MEI4: variants seen among roughly 807,000 people sequenced by gnomAD.
The protein encoded by MEI4 is meiotic double-stranded break formation protein 4.
MEI4 carries 27 observed loss-of-function variants against 31.4 expected under a neutral mutation model. The ratio of observed to expected loss-of-function variants is 0.86; its 90% CI spans 0.63 to 1.19. The LOEUF is 1.19. Among genes scored for constraint, MEI4 ranks in the 50% most tolerant of loss-of-function variants. The pLI is 0.00. For missense variants in MEI4, 329 were observed against 398.9 expected, an observed-to-expected ratio of 0.82 and a Z score of 1.49; for synonymous variants, 122 against 145.4, an observed-to-expected ratio of 0.84 and a Z score of 1.16.
At chr6:77,791,247 C>G (rs1171138946) in intron 3 of MEI4, among the ~76,000 whole-genome samples, 1 of 152,068 alleles carries the variant, frequency 6.6e-6, no homozygotes, top group African/African-American at 2.4e-5. Flanking sequence ...TTTATTGCGG[C>G]ATTATTCACG....
At chr6:77,729,965 G>A (rs1242307780) in intron 2 of MEI4, among the ~76,000 whole-genome samples, 1 of 151,996 alleles carries the variant, frequency 6.6e-6, no homozygotes, top group Non-Finnish European at 1.5e-5. Context: ...TCAGTCTAAA[G>A]GTAACATCCC....
At chr6:77,703,265 GT>G (rs570239581) in intron 2 of MEI4, among the ~76,000 whole-genome samples, 54 of 152,306 alleles carry the variant, frequency 3.5e-4, no homozygotes, top group Middle Eastern at 3.4e-3. Context: ...CCAAGCCCCT[GT>G]AACAGTGGAA....
intron 3 of MEI4, among the ~76,000 whole-genome samples, chr6:77,784,305 C>G (rs1043883325): frequency 1.3e-5 from 2 of 152,106 alleles, no homozygotes; most frequent in African/African-American, 4.8e-5. Context: ...TTTTAAGATG[C>G]TGTAGTGATC....
intron 4 of MEI4, among the ~76,000 whole-genome samples, chr6:77,838,173 T>C (rs1357881716): frequency 6.6e-6 from 1 of 152,220 alleles, no homozygotes; most frequent in Non-Finnish European, 1.5e-5. Flanking sequence ...GGAGCAAGTT[T>C]TCAGATATTA....
At chr6:77,883,735 T>TACATATAC (rs1562025143) in intron 4 of MEI4, among the ~76,000 whole-genome samples, 15 of 116,734 alleles carry the variant, frequency 1.3e-4, no homozygotes, top group East Asian at 9.2e-4. Flanking sequence ...TATATATATA[T>TACATATAC]ATATATATAA....
At chr6:77,682,918 G>A (rs1453904310) in intron 1 of MEI4, among the ~76,000 whole-genome samples, 2 of 152,200 alleles carry the variant, frequency 1.3e-5, no homozygotes, top group Non-Finnish European at 1.5e-5. Context: ...ATTTGGGAAA[G>A]CTGATCAGGA....
At chr6:77,767,628 C>T (rs1375335823) in intron 3 of MEI4, among the ~76,000 whole-genome samples, 1 of 151,730 alleles carries the variant, frequency 6.6e-6, no homozygotes, top group Non-Finnish European at 1.5e-5. Context: ...GCCCAGGAGG[C>T]AGAGATTGCA....
At chr6:77,656,561 G>A (rs1266864037) in intron 1 of MEI4, among the ~76,000 whole-genome samples, 1 of 152,114 alleles carries the variant, frequency 6.6e-6, no homozygotes, top group Non-Finnish European at 1.5e-5. Flanking sequence ...CTAAGGGGAA[G>A]GATATCCTTA....
At chr6:77,875,442 A>C (rs1771311054) in intron 4 of MEI4, among the ~76,000 whole-genome samples, 1 of 152,168 alleles carries the variant, frequency 6.6e-6, no homozygotes, top group South Asian at 2.1e-4. Context: ...GTTGTTTAAC[A>C]ATGGTTTTAG....
At chr6:77,666,963 G>A (rs1768651008) in intron 1 of MEI4, among the ~76,000 whole-genome samples, 1 of 151,876 alleles carries the variant, frequency 6.6e-6, no homozygotes, top group Admixed American at 6.6e-5. Flanking sequence ...ATGTCCACAT[G>A]GTAGTTCAGG....
intron 3 of MEI4, among the ~76,000 whole-genome samples, chr6:77,821,892 A>T (rs917739554): frequency 4.0e-5 from 6 of 150,448 alleles, no homozygotes; most frequent in Admixed American, 4.0e-4. Context: ...TTAGATCTTT[A>T]CCAGTCTCTA....
intron 3 of MEI4, among the ~76,000 whole-genome samples, chr6:77,797,201 A>C (rs998645358): frequency 5.9e-5 from 9 of 152,202 alleles, no homozygotes; most frequent in African/African-American, 1.9e-4. Context: ...TGAATGTTTT[A>C]AAGACTTAAA....
chr6:77,666,216 G>C (rs1050160816), intron 1 of MEI4, among the ~76,000 whole-genome samples: 1 of 151,996 alleles, frequency 6.6e-6, no homozygotes, highest in Non-Finnish European at 1.5e-5. Flanking sequence ...CTCAAGGGTG[G>C]GGAGAATTAC....
At chr6:77,831,121 C>G (rs1233586680) in intron 4 of MEI4, among the ~76,000 whole-genome samples, 1 of 146,200 alleles carries the variant, frequency 6.8e-6, no homozygotes, top group African/African-American at 2.5e-5. Flanking sequence ...CAAAAAAAGA[C>G]ATACAAATGG....
At chr6:77,770,712 C>T (rs552905117) in intron 3 of MEI4, among the ~76,000 whole-genome samples, 18 of 152,090 alleles carry the variant, frequency 1.2e-4, no homozygotes, top group East Asian at 3.9e-4. Flanking sequence ...TCCAGCCATC[C>T]GATGTTTGAG....
At chr6:77,664,957 G>A (rs558397101) in intron 1 of MEI4, among the ~76,000 whole-genome samples, 16 of 152,090 alleles carry the variant, frequency 1.1e-4, no homozygotes, top group Non-Finnish European at 1.8e-4. Flanking sequence ...GAGGTTTTAA[G>A]TTTTTGAGAA....
chr6:77,670,398 G>C (rs1768716450), intron 1 of MEI4, among the ~76,000 whole-genome samples: 1 of 151,998 alleles, frequency 6.6e-6, no homozygotes, highest in African/African-American at 2.4e-5. Context: ...AGTCACTGAG[G>C]CAGAAAAATT....
chr6:77,828,504 GC>G (rs1169891391), intron 3 of MEI4, among the ~76,000 whole-genome samples: 2 of 151,922 alleles, frequency 1.3e-5, no homozygotes, highest in African/African-American at 2.4e-5. Flanking sequence ...GATCCACCCT[GC>G]CCCCCTTCCA....
At chr6:77,778,105 T>C (rs902305150) in intron 3 of MEI4, among the ~76,000 whole-genome samples, 1 of 130,480 alleles carries the variant, frequency 7.7e-6, no homozygotes, top group African/African-American at 3.0e-5. Context: ...GAAAAGTGTG[T>C]GTATATGTGA....
Sources: gnomAD v4.1 joint callset for allele counts (sites outside exome capture counted in the v4.1 genomes callset) on GRCh38, gnomAD v4.1.1 for gene constraint, MANE v1.5 for transcripts, NCBI Gene and HGNC (gene_info 2026-07-23, HGNC 2026-07-21) for gene names.